TTLL5: variants seen among roughly 807,000 people sequenced by gnomAD.
TTLL5 encodes tubulin tyrosine ligase like 5.
TTLL5 carries 132 observed loss-of-function variants against 168.4 expected under a neutral mutation model. The ratio of observed to expected loss-of-function variants is 0.78; its 90% CI spans 0.68 to 0.91. The LOEUF is 0.91. TTLL5 is among the 40% of genes least tolerant of loss of function. The pLI, the probability that TTLL5 is intolerant of heterozygous loss-of-function variation, is 0.00. For missense variants in TTLL5, 1,545 were observed against 1,581.5 expected (o/e 0.98, Z 0.39); for synonymous variants, 546 against 558.6 (o/e 0.98, Z 0.32).
At chr14:75,851,095 C>CAAAAAAAAAAAAAAAAAAA (rs35393032) in intron 28 of TTLL5, among the ~76,000 whole-genome samples, 1 of 95,952 alleles carries the variant, frequency 1.0e-5, no homozygotes, top group Non-Finnish European at 2.0e-5. Flanking sequence ...GACCTTGTCT[C>CAAAAAAAAAAAAAAAAAAA]AAAAAAAAAA....
intron 9 of TTLL5, among the ~76,000 whole-genome samples, chr14:75,713,618 A>T (rs1232916457): frequency 6.6e-6 from 1 of 152,228 alleles, no homozygotes; most frequent in Non-Finnish European, 1.5e-5. Context: ...ATGAAATTTG[A>T]TAATATGTGA....
chr14:75,789,251 A>G (rs1892555067), intron 26 of TTLL5, among the ~76,000 whole-genome samples: 1 of 152,184 alleles, frequency 6.6e-6, no homozygotes, highest in South Asian at 2.1e-4. Context: ...ACATAGTAAG[A>G]TAAGAAAAAG....
At chr14:75,827,175 C>G (rs1380926629) in intron 28 of TTLL5, among the ~76,000 whole-genome samples, 1 of 152,136 alleles carries the variant, frequency 6.6e-6, no homozygotes, top group Non-Finnish European at 1.5e-5. Context: ...AGTCTTAGTT[C>G]CCTTTTTTTG....
intron 28 of TTLL5, among the ~76,000 whole-genome samples, chr14:75,841,688 A>T (rs972365412): frequency 1.3e-5 from 2 of 152,092 alleles, no homozygotes; most frequent in Non-Finnish European, 2.9e-5. Context: ...AGGGATCTAC[A>T]TATTTACTTT....
At chr14:75,815,938 C>T (rs187297717) in intron 27 of TTLL5, among the ~76,000 whole-genome samples, 6 of 152,296 alleles carry the variant, frequency 3.9e-5, no homozygotes, top group Non-Finnish European at 5.9e-5. Context: ...TGCCTAACAC[C>T]GCTACTGTAA....
intron 31 of TTLL5, among the ~76,000 whole-genome samples, chr14:75,928,824 T>G (rs974375336): frequency 1.3e-5 from 2 of 152,096 alleles, no homozygotes; most frequent in Non-Finnish European, 2.9e-5. Flanking sequence ...CAAAGCATGA[T>G]CTGATGAAGA....
chr14:75,811,771 C>A lies in TTLL5; in HGVS notation c.3172-8236C>A, dbSNP rs910989265. 2.0e-5 allele frequency among the ~76,000 whole-genome samples: 3 copies of A among 152,186 alleles called. No homozygotes were observed. The East Asian group carries it at 5.8e-4, about 29-fold the overall frequency. On this transcript the variant is annotated intron_variant, in intron 27 of 31. Coordinates refer to ENST00000298832, the MANE Select transcript of TTLL5 (RefSeq NM_015072.5). ...TGAAATAGCTAGGCTTGTCTTCAAA[C>A]CCTCTTCACATACCAAAAGGTTATG...
intron 31 of TTLL5, among the ~76,000 whole-genome samples, chr14:75,922,765 C>G (rs1284526031): frequency 6.6e-6 from 1 of 152,040 alleles, no homozygotes. Context: ...GGGAGGTTTC[C>G]CTGTTTTTCT....
chr14:75,827,656 C>A (rs779136951), intron 28 of TTLL5, among the ~76,000 whole-genome samples: 1 of 136,998 alleles, frequency 7.3e-6, no homozygotes, highest in Non-Finnish European at 1.5e-5. Context: ...AGCTAAGATT[C>A]ATATTAATTT....
chr14:75,693,406 A>G (rs1164372992), intron 6 of TTLL5, among the ~76,000 whole-genome samples: 5 of 152,206 alleles, frequency 3.3e-5, no homozygotes, highest in Non-Finnish European at 1.5e-5. Flanking sequence ...TCATGAAGGT[A>G]TAGCTTTTTG....
chr14:75,862,485 C>A (rs2030098456), intron 28 of TTLL5, among the ~76,000 whole-genome samples: 1 of 152,174 alleles, frequency 6.6e-6, no homozygotes, highest in Non-Finnish European at 1.5e-5. Context: ...TCCTCAGCGA[C>A]CCTTGTTATC....
At chr14:75,867,562 C>T (rs1361730896) in intron 29 of TTLL5, among the ~76,000 whole-genome samples, 1 of 151,940 alleles carries the variant, frequency 6.6e-6, no homozygotes, top group African/African-American at 2.4e-5. Flanking sequence ...GAGTTCGAGA[C>T]CAGCCTGACC....
intron 11 of TTLL5, 139 bp from the exon 12 acceptor site, chr14:75,720,457 C>T: frequency 1.5e-6 from 1 of 654,418 alleles, no homozygotes; most frequent in Non-Finnish European, 2.7e-6. Context: ...GCCTCTATAG[C>T]ACCCATTCAG....
At chr14:75,914,033 A>AAAAAAAAAAAAAAAAAAATAT in intron 31 of TTLL5, among the ~76,000 whole-genome samples, 1 of 71,102 alleles carries the variant, frequency 1.4e-5, no homozygotes, top group Non-Finnish European at 2.1e-5. Context: ...AAAAAAAAAA[A>AAAAAAAAAAAAAAAAAAATAT]ATATATATAT....
Position 75,748,216 on chromosome 14 carries a change from G to C in TTLL5, c.1487+2635G>C, listed in dbSNP as rs145770379. On this transcript the variant is annotated intron_variant, in intron 17 of 31. Transcript: ENST00000298832. ...TGGTAGGAGAGCGTGTCCTGTAACAGTTATCCTCTCATGTATAGAAGCAGA... is the reference window on the plus strand; with the variant it reads ...TGGTAGGAGAGCGTGTCCTGTAACACTTATCCTCTCATGTATAGAAGCAGA... 5.1e-3 allele frequency among the ~76,000 whole-genome samples: 760 copies of C among 149,448 alleles called. 4 individuals are homozygous for C. The highest frequency in any genetic ancestry group is 7.8e-3 in the Non-Finnish European group (531 of 67,702).
chr14:75,857,974 G>A (rs1897220144), intron 28 of TTLL5, among the ~76,000 whole-genome samples: 3 of 151,802 alleles, frequency 2.0e-5, no homozygotes, highest in Admixed American at 6.6e-5. Context: ...GTAATCATCC[G>A]GGCTTAGAAT....
intron 26 of TTLL5, among the ~76,000 whole-genome samples, chr14:75,787,159 G>A (rs898359275): frequency 5.3e-5 from 8 of 151,854 alleles, no homozygotes; most frequent in African/African-American, 1.2e-4. Context: ...AAAAAACATT[G>A]TAAATCAAGT....
chr14:75,924,872 G>A (rs2033960059), intron 31 of TTLL5, among the ~76,000 whole-genome samples: 2 of 151,550 alleles, frequency 1.3e-5, no homozygotes, highest in Admixed American at 6.6e-5. Context: ...GGGCAGAGGC[G>A]CCCCTCACCT....
intron 28 of TTLL5, among the ~76,000 whole-genome samples, chr14:75,841,485 T>C (rs1467503123): frequency 6.6e-6 from 1 of 152,230 alleles, no homozygotes; most frequent in African/African-American, 2.4e-5. Context: ...AGAGTCATTA[T>C]TTCTTCTTTC....
Sources: allele counts gnomAD v4.1 joint callset (sites outside exome capture counted in the v4.1 genomes callset), GRCh38; gene constraint gnomAD v4.1.1; transcripts MANE v1.5; gene names NCBI Gene and HGNC (gene_info 2026-07-23, HGNC 2026-07-21).